The following ACIN1 variants were observed in gnomAD, a reference collection of about 807,000 sequenced individuals.
ACIN1 encodes apoptotic chromatin condensation inducer 1.
A neutral mutation model predicts 146.6 loss-of-function variants in ACIN1; 16 were observed. That is an observed-to-expected ratio of 0.11 (90% CI 0.07 to 0.17). The LOEUF (loss-of-function observed/expected upper bound fraction) is 0.17. Ranked by LOEUF, ACIN1 falls within the 10% of genes least tolerant of loss-of-function variation. ACIN1 has a pLI of 1.00. For missense variants in ACIN1, 1,357 were observed against 1,609.3 expected, an observed-to-expected ratio of 0.84 and a Z score of 2.68; for synonymous variants, 569 against 582.7, an observed-to-expected ratio of 0.98 and a Z score of 0.34.
Position 23,062,929 on chromosome 14 carries a change from C to A in ACIN1, c.2883G>T (p.Leu961Phe). Residue 961 changes from leucine (L) to phenylalanine (F), a missense_variant and splice_region_variant, in exon 14 of 19, where the codon TTG (leucine) becomes TTT (phenylalanine). Physicochemically the swap from Leu to Phe is conservative, Grantham distance 22. This residue lies in a region of ACIN1 where 509 missense variants were observed against 719.6 expected (regional missense o/e 0.71). Coordinates refer to ENST00000605057, the MANE Select transcript of ACIN1 (RefSeq NM_001386863.1). ...GGGATGGTGAGAAACAATGACTTACCAAATTGGAGATATGGACAATGTTGC... is the reference window on the plus strand; with the variant it reads ...GGGATGGTGAGAAACAATGACTTACAAAATTGGAGATATGGACAATGTTGC... ...KISNIVHISN[L>F]VRPFTLGQLK... The A allele has an allele frequency of 6.2e-7, 1 of 1,602,368 alleles. No individual in the cohort carries two copies. Among genetic ancestry groups the A allele is most frequent in the Non-Finnish European group, 8.5e-7 (1 of 1,175,378 alleles).
In ACIN1 at chr14:23,069,294, C is replaced by A. The variant is rs150367792; in HGVS notation, c.2265+182G>T. The A allele has an allele frequency of 3.1e-6, 4 of 1,303,690 alleles. No individual in the cohort carries two copies. The African/African-American group carries it at 6.1e-5, about 20-fold the overall frequency. 80.8% of individuals were successfully genotyped at this position (1,303,690 alleles called of 1,614,324 possible). A position where few individuals can be genotyped will look rare whatever the true frequency, so the allele number is the denominator to read the frequency against. On this transcript the variant is annotated intron_variant, in intron 9 of 18. Transcript: ENST00000605057. The stretch of plus-strand genomic sequence containing the variant: ...AAGGAAAATGAATGAGCCCTGTCCC[C>A]GTCACAAGGGGTCTCCCTTGCTAAA...
chr14:23,067,511 G>GGGGGGGGGGGGA lies in ACIN1; in HGVS notation c.2266-1504_2266-1503insTCCCCCCCCCCC. The GGGGGGGGGGGGA allele has an allele frequency of 4.5e-6, 1 of 221,736 alleles. No homozygotes were observed. Among genetic ancestry groups the GGGGGGGGGGGGA allele is most frequent in the Non-Finnish European group, 7.3e-6 (1 of 137,268 alleles). 13.7% of individuals were successfully genotyped at this position (221,736 alleles called of 1,614,324 possible). A position where few individuals can be genotyped will look rare whatever the true frequency, so the allele number is the denominator to read the frequency against. The stretch of plus-strand genomic sequence containing the variant: ...CCAGGGGCGCAGGGGGGGCGGGAGG[G>GGGGGGGGGGGGA]AAACGTGTGGGGGGACGCTGCCCAG... On this transcript the variant is annotated intron_variant, in intron 9 of 18. Transcript: ENST00000605057. This position sits in a 1 kb window ranked among gnomAD's most constrained non-coding sequence, Gnocchi z 4.6.
At chr14:23,074,908 A>G (rs1466335943) in intron 8 of ACIN1, among the ~76,000 whole-genome samples, 1 of 152,188 alleles carries the variant, frequency 6.6e-6, no homozygotes, top group Non-Finnish European at 1.5e-5. Flanking sequence ...GAGCTGAAAA[A>G]CTGACGTGAA....
At chr14:23,093,794 C>G (rs775858198) in intron 1 of ACIN1, among the ~76,000 whole-genome samples, 1 of 152,196 alleles carries the variant, frequency 6.6e-6, no homozygotes, top group Non-Finnish European at 1.5e-5. Context: ...GAATCAGTGA[C>G]CTGGCTATGT....
chr14:23,092,352 G>A lies in ACIN1; in HGVS notation c.204+1127C>T, dbSNP rs1594790856. 3.4e-5 allele frequency among the ~76,000 whole-genome samples: 5 copies of A among 145,844 alleles called. No homozygotes were observed. In the Admixed American group the frequency reaches 3.6e-4, roughly 11 times the overall value. On this transcript the variant is annotated intron_variant, in intron 2 of 18. Transcript: ENST00000605057. ...AAGGGTGGGTTGCATGTGTATTACA[G>A]AATAGGCATGTTTGCTGCACAAACC...
At chr14:23,085,174 CA>C (rs918764105) in intron 4 of ACIN1, among the ~76,000 whole-genome samples, 57 of 145,324 alleles carry the variant, frequency 3.9e-4, no homozygotes, top group Middle Eastern at 3.5e-3. Context: ...ACTAAAAATA[CA>C]AAAAAAAAAA....
intron 12 of ACIN1, 55 bp downstream of exon 12, chr14:23,064,050 G>C (rs1244744835): frequency 6.2e-7 from 1 of 1,604,562 alleles, no homozygotes; most frequent in Non-Finnish European, 8.5e-7. Context: ...TCAGCTAGCT[G>C]CTCTGCATCT....
In ACIN1 at chr14:23,080,669, TTCCTCCTCC is replaced by T. The variant is rs3841035; in HGVS notation, c.657_665del (p.Glu221_Glu223del). On this transcript the variant is annotated inframe_deletion, in exon 6 of 19. Transcript: ENST00000605057. ...CACCTTCCTCTTCTTCATCATCTTC[TTCCTCCTCC>T]TCCTCCTCCTCTTCTTCCTCCTCTG... 5.0e-6 allele frequency: 8 copies of T among 1,613,436 alleles called. No homozygotes were observed. The highest frequency in any genetic ancestry group is 2.2e-5 in the East Asian group (1 of 44,864).
At chr14:23,064,047 G>C in intron 12 of ACIN1, 58 bp downstream of exon 12, 1 of 1,599,826 alleles carries the variant, frequency 6.3e-7, no homozygotes, top group Non-Finnish European at 8.5e-7. Context: ...TCCTCAGCTA[G>C]CTGCTCTGCA....
At chr14:23,064,986 G>A (rs58854656) in intron 10 of ACIN1, among the ~76,000 whole-genome samples, 1,710 of 152,206 alleles carry the variant, frequency 0.011, 34 homozygotes, top group African/African-American at 0.039. Flanking sequence ...TAAGGGAGGG[G>A]TAGCTAGTTT....
At position 23,067,930 on chromosome 14, in the gene ACIN1, G is replaced by C; in HGVS notation, c.2265+1546C>G. The C allele has an allele frequency of 5.1e-6, 5 of 985,798 alleles. No individual in the cohort carries two copies. The highest frequency in any genetic ancestry group is 6.0e-6 in the Non-Finnish European group (5 of 829,928). The allele number at this position is 985,798 out of a possible 1,614,324, so 61.1% of individuals were successfully genotyped here. Reference sequence around the variant, plus strand: ...CAGCAAGGTCAGAATACTTCTCTTCGGAGAGTTGTGGCTGGCATCTCCTCA... The same window carrying C: ...CAGCAAGGTCAGAATACTTCTCTTCCGAGAGTTGTGGCTGGCATCTCCTCA... On this transcript the variant is annotated intron_variant, in intron 9 of 18. Coordinates refer to ENST00000605057, the MANE Select transcript of ACIN1 (RefSeq NM_001386863.1). The surrounding 1 kb of genome is among the most constrained non-coding windows in gnomAD (Gnocchi z 4.6).
At chr14:23,062,873 C>CTAAA in intron 14 of ACIN1, 56 bp downstream of exon 14, 1 of 1,547,248 alleles carries the variant, frequency 6.5e-7, no homozygotes, top group South Asian at 1.3e-5. Flanking sequence ...AGGCATAAGC[C>CTAAA]TAAAGCTCAA....
chr14:23,082,908 T>A (rs1034424473), intron 4 of ACIN1, among the ~76,000 whole-genome samples: 3 of 151,580 alleles, frequency 2.0e-5, no homozygotes, highest in African/African-American at 7.3e-5. Flanking sequence ...CCTGGCTAAT[T>A]TCGGTATTTT....
Position 23,067,254 on chromosome 14 carries a change from A to C in ACIN1, c.2266-1246T>G. The C allele has an allele frequency of 2.1e-6, 2 of 940,740 alleles. No homozygotes were observed. The highest frequency in any genetic ancestry group is 2.5e-6 in the Non-Finnish European group (2 of 789,108). 58.3% of individuals were successfully genotyped at this position (940,740 alleles called of 1,614,324 possible). On this transcript the variant is annotated intron_variant, in intron 9 of 18. Transcript: ENST00000605057. This position sits in a 1 kb window ranked among gnomAD's most constrained non-coding sequence, Gnocchi z 4.6. ...AAAATAAAATATTAAAAAAAGAAGA[A>C]GAAAATAAAGAAGAAAATAAACTAG...
At chr14:23,071,074 G>T in intron 8 of ACIN1, 1 of 1,516,834 alleles carries the variant, frequency 6.6e-7, no homozygotes. Context: ...GGAAGACGAA[G>T]GGAGCTAGGG....
chr14:23,070,130 C>A (rs939853596), intron 8 of ACIN1, among the ~76,000 whole-genome samples: 2 of 141,692 alleles, frequency 1.4e-5, no homozygotes, highest in Non-Finnish European at 3.0e-5. Flanking sequence ...TGTGTTTAAT[C>A]AACTGCTTAA....
At chr14:23,077,922 TG>T in intron 8 of ACIN1, 1 of 336,598 alleles carries the variant, frequency 3.0e-6, no homozygotes, top group Non-Finnish European at 5.5e-6. Flanking sequence ...CTATTTTGGC[TG>T]GATGATCCCA....
intron 8 of ACIN1, among the ~76,000 whole-genome samples, chr14:23,075,916 G>T (rs1235568248): frequency 6.6e-6 from 1 of 152,122 alleles, no homozygotes; most frequent in Admixed American, 6.5e-5. Context: ...GGTCAGGCTG[G>T]TCTCGAATTC....
intron 8 of ACIN1, chr14:23,077,818 T>A (rs530791533): frequency 6.1e-6 from 1 of 163,966 alleles, no homozygotes; most frequent in Admixed American, 6.1e-5. Flanking sequence ...TAGGTAAACA[T>A]GAGTTAAAGA....
Sources: gnomAD v4.1 joint callset for allele counts (sites outside exome capture counted in the v4.1 genomes callset) on GRCh38, gnomAD v4.1.1 for gene constraint, gnomAD v4.1.1 regional missense constraint, Gnocchi (gnomAD v3.1) non-coding constraint, MANE v1.5 for transcripts, NCBI Gene and HGNC (gene_info 2026-07-23, HGNC 2026-07-21) for gene names.